Variants in PPP2R2A observed in about 807,000 individuals in gnomAD.
PPP2R2A encodes serine/threonine-protein phosphatase 2A 55 kDa regulatory subunit B alpha isoform.
Under a neutral mutation model 53.2 loss-of-function variants are expected in PPP2R2A, and 9 were observed. The ratio of observed to expected loss-of-function variants is 0.17; its 90% CI spans 0.10 to 0.30. PPP2R2A has a LOEUF of 0.30. Ranked by LOEUF, PPP2R2A falls within the 10% of genes least tolerant of loss-of-function variation. The pLI is 1.00. For synonymous variants in PPP2R2A, 169 were observed against 174.2 expected (o/e 0.97, Z 0.23); for missense variants, 235 against 534.6 (o/e 0.44, Z 5.53).
intron 2 of PPP2R2A, among the ~76,000 whole-genome samples, chr8:26,313,524 C>G (rs138529722): frequency 1.3e-5 from 2 of 152,046 alleles, no homozygotes; most frequent in African/African-American, 2.4e-5. Flanking sequence ...TAATGGTCCC[C>G]GAAAGAAATC....
intron 2 of PPP2R2A, among the ~76,000 whole-genome samples, chr8:26,298,031 C>G (rs1801618514): frequency 6.6e-6 from 1 of 152,126 alleles, no homozygotes; most frequent in Non-Finnish European, 1.5e-5. Context: ...AAAAAACATA[C>G]TGTAAAAAGT....
intron 2 of PPP2R2A, among the ~76,000 whole-genome samples, chr8:26,308,382 T>A (rs1802119253): frequency 7.2e-6 from 1 of 139,248 alleles, no homozygotes; most frequent in African/African-American, 2.5e-5. Flanking sequence ...ACAGTAGAAC[T>A]TCTTTCAAAA....
At chr8:26,366,621 G>T (rs1367518985) in intron 9 of PPP2R2A, among the ~76,000 whole-genome samples, 2 of 152,100 alleles carry the variant, frequency 1.3e-5, no homozygotes, top group African/African-American at 4.8e-5. Flanking sequence ...TTATTTAAAT[G>T]TCTAGAATTT....
Position 26,370,494 on chromosome 8 carries a change from AGGTC to A in PPP2R2A, c.*82_*85del. 1 of 1,495,250 alleles carries A rather than the reference AGGTC, an allele frequency of 6.7e-7. No homozygotes were observed. The highest frequency in any genetic ancestry group is 1.8e-5 in the Admixed American group (1 of 54,918). The allele number at this position is 1,495,250 out of a possible 1,614,324, so 92.6% of individuals were successfully genotyped here. On this transcript the variant is annotated 3_prime_UTR_variant, in exon 10 of 10. Transcript: ENST00000380737. The surrounding 1 kb of genome is among the most constrained non-coding windows in gnomAD (Gnocchi z 6.1). ...TAGCATTCGTTCCTATAAAAGAGAG[AGGTC>A]CATTGTGGCGCCCCTTTCCAGTGTT...
rs77527363 is a variant in PPP2R2A, at chr8:26,362,340, C to CA, written c.638-329dup. 9.1e-3 allele frequency among the ~76,000 whole-genome samples: 1,126 copies of CA among 123,066 alleles called. 9 individuals carry two copies. Among genetic ancestry groups the CA allele is most frequent in the African/African-American group, 0.024 (788 of 33,360 alleles). 80.7% of individuals were successfully genotyped at this position (123,066 alleles called of 152,430 possible). On this transcript the variant is annotated intron_variant, in intron 6 of 9. Transcript: ENST00000380737. The surrounding 1 kb of genome is among the most constrained non-coding windows in gnomAD (Gnocchi z 4.4). ...TGAAACCCCGTCTCTACTAAAAATA[C>CA]AAAAAAAAAAAAAAATTAGTCAGTT...
At chr8:26,304,234 A>G (rs553685017) in intron 2 of PPP2R2A, among the ~76,000 whole-genome samples, 2 of 150,926 alleles carry the variant, frequency 1.3e-5, no homozygotes, top group African/African-American at 4.9e-5. Context: ...GGAGGGATTA[A>G]TCATCTGTAA....
chr8:26,367,820 C>T (rs1026163093), intron 9 of PPP2R2A, among the ~76,000 whole-genome samples: 1 of 152,184 alleles, frequency 6.6e-6, no homozygotes, highest in Admixed American at 6.5e-5. Context: ...TGAAACTGAC[C>T]AGTTACTGTA....
intron 2 of PPP2R2A, among the ~76,000 whole-genome samples, chr8:26,336,529 C>G (rs1454367209): frequency 1.3e-5 from 2 of 152,066 alleles, no homozygotes; most frequent in Non-Finnish European, 2.9e-5. Context: ...ACTTAATCAT[C>G]TCTAGGTTTT....
intron 2 of PPP2R2A, among the ~76,000 whole-genome samples, chr8:26,311,723 GCTT>G (rs1802299881): frequency 6.6e-6 from 1 of 152,114 alleles, no homozygotes; most frequent in South Asian, 2.1e-4. Context: ...AGAAATTCAA[GCTT>G]CTTTTTTTCT....
intron 2 of PPP2R2A, among the ~76,000 whole-genome samples, chr8:26,305,087 C>G (rs1801955690): frequency 6.6e-6 from 1 of 152,124 alleles, no homozygotes; most frequent in Non-Finnish European, 1.5e-5. Flanking sequence ...TTCCCCTCCC[C>G]TCAGCTCTTG....
At chr8:26,358,135 A>T (rs918107428) in intron 4 of PPP2R2A, among the ~76,000 whole-genome samples, 2 of 152,144 alleles carry the variant, frequency 1.3e-5, no homozygotes, top group African/African-American at 4.8e-5. Flanking sequence ...TGTGTTAAGG[A>T]AAAAACATTT....
At chr8:26,314,393 G>A (rs1199355030) in intron 2 of PPP2R2A, among the ~76,000 whole-genome samples, 1 of 152,172 alleles carries the variant, frequency 6.6e-6, no homozygotes, top group Admixed American at 6.5e-5. Context: ...TTATCATTGT[G>A]ATCATCATCA....
chr8:26,327,028 A>C (rs1803122782), intron 2 of PPP2R2A, among the ~76,000 whole-genome samples: 2 of 152,208 alleles, frequency 1.3e-5, no homozygotes, highest in South Asian at 4.1e-4. Flanking sequence ...AAGAAGGGAA[A>C]CTGGTTCCAG....
At chr8:26,350,254 A>G (rs531926285) in intron 3 of PPP2R2A, among the ~76,000 whole-genome samples, 138 of 151,936 alleles carry the variant, frequency 9.1e-4, no homozygotes, top group African/African-American at 3.3e-3. Context: ...TGGTAGAGAG[A>G]GAGTTTCACT....
At chr8:26,320,417 A>C (rs1802776738) in intron 2 of PPP2R2A, among the ~76,000 whole-genome samples, 1 of 152,184 alleles carries the variant, frequency 6.6e-6, no homozygotes, top group Admixed American at 6.5e-5. Context: ...GAGAGGGTAA[A>C]AGAGATACAT....
intron 4 of PPP2R2A, among the ~76,000 whole-genome samples, chr8:26,358,560 T>C (rs921177781): frequency 6.6e-6 from 1 of 152,166 alleles, no homozygotes; most frequent in Non-Finnish European, 1.5e-5. Flanking sequence ...AGGGCATCCT[T>C]AGGGGCAACT....
At chr8:26,306,844 T>C (rs1290411892) in intron 2 of PPP2R2A, among the ~76,000 whole-genome samples, 2 of 152,138 alleles carry the variant, frequency 1.3e-5, no homozygotes, top group Admixed American at 6.5e-5. Flanking sequence ...TTAATACATA[T>C]ATAGAATGGT....
chr8:26,367,648 G>A (rs531228503), intron 9 of PPP2R2A, among the ~76,000 whole-genome samples: 4 of 152,308 alleles, frequency 2.6e-5, no homozygotes, highest in Non-Finnish European at 4.4e-5. Context: ...CAACTTGTGT[G>A]CCACATGGGA....
chr8:26,321,954 A>G lies in PPP2R2A; in HGVS notation c.83-16936A>G, dbSNP rs963638903. 2.0e-5 allele frequency among the ~76,000 whole-genome samples: 3 copies of G among 152,238 alleles called. No individual in the cohort carries two copies. The highest frequency in any genetic ancestry group is 4.4e-5 in the Non-Finnish European group (3 of 68,038). On this transcript the variant is annotated intron_variant, in intron 2 of 9. Coordinates refer to ENST00000380737, the MANE Select transcript of PPP2R2A (RefSeq NM_002717.4). The surrounding 1 kb of genome is among the most constrained non-coding windows in gnomAD (Gnocchi z 4.1). Reference sequence around the variant, plus strand: ...TGTGTTTTCTGGTTGAACCCAACACAGTACCCAATATTACATAAACACAGG... The same window carrying G: ...TGTGTTTTCTGGTTGAACCCAACACGGTACCCAATATTACATAAACACAGG...
Sources: allele counts gnomAD v4.1 joint callset (sites outside exome capture counted in the v4.1 genomes callset), GRCh38; gene constraint gnomAD v4.1.1; non-coding constraint Gnocchi (gnomAD v3.1); transcripts MANE v1.5; gene names NCBI Gene and HGNC (gene_info 2026-07-23, HGNC 2026-07-21).